The following DTD1 variants were observed in gnomAD, a reference collection of about 807,000 sequenced individuals.
DTD1 encodes the protein D-tyrosyl-tRNA deacylase 1 homolog.
DTD1 carries 13 observed loss-of-function variants against 25.6 expected under a neutral mutation model. That is an observed-to-expected ratio of 0.51 (90% CI 0.33 to 0.81). The LOEUF is 0.81. Among genes scored for constraint, DTD1 ranks in the 30% least tolerant of loss-of-function variants. The probability of loss-of-function intolerance (pLI) is 0.02; values close to 1 mark genes in which losing one functional copy is unlikely to be tolerated. For synonymous variants in DTD1, 110 were observed against 103.6 expected (o/e 1.06, Z -0.37); for missense variants, 193 against 266.4 (o/e 0.72, Z 1.92).
intron 4 of DTD1, among the ~76,000 whole-genome samples, chr20:18,736,764 G>A (rs1299874437): frequency 1.3e-5 from 2 of 152,184 alleles, no homozygotes; most frequent in African/African-American, 4.8e-5. Flanking sequence ...CAACACCTAT[G>A]CCCTCTGAGT....
At chr20:18,660,047 G>A (rs150788086) in intron 4 of DTD1, among the ~76,000 whole-genome samples, 1 of 152,142 alleles carries the variant, frequency 6.6e-6, no homozygotes, top group Non-Finnish European at 1.5e-5. Context: ...AGACCAGCCT[G>A]GCCAACATGG....
intron 4 of DTD1, among the ~76,000 whole-genome samples, chr20:18,649,971 GGGAGGT>G (rs2060867778): frequency 6.6e-6 from 1 of 152,220 alleles, no homozygotes; most frequent in Non-Finnish European, 1.5e-5. Context: ...CCAGTACTTT[GGGAGGT>G]GGAGGCAGGT....
intron 5 of DTD1, among the ~76,000 whole-genome samples, chr20:18,750,133 A>G (rs1381065921): frequency 6.6e-6 from 1 of 152,160 alleles, no homozygotes; most frequent in Non-Finnish European, 1.5e-5. Context: ...GAATTTAGCC[A>G]TGTTCCTGGA....
rs2061372188 is a variant in DTD1, at chr20:18,763,840, T to G, written c.*500T>G. ...TGTATTGTGTGAGACCTTTGCATCT[T>G]GTAAATTTTCTCTTTTTTCTAAAAA... is the stretch of plus-strand genomic sequence containing the variant. On this transcript the variant is annotated 3_prime_UTR_variant, in exon 6 of 6. Transcript: ENST00000377452. The G allele has an allele frequency of 6.6e-6, 1 of 152,252 alleles. No individual in the cohort carries two copies. The allele number at this position is 152,252 out of a possible 1,614,324, so 9.4% of individuals were successfully genotyped here.
intron 4 of DTD1, among the ~76,000 whole-genome samples, chr20:18,732,759 G>A (rs940532432): frequency 1.3e-5 from 2 of 152,186 alleles, no homozygotes; most frequent in African/African-American, 2.4e-5. Flanking sequence ...GGTTTTCAAA[G>A]AATTAGCATA....
intron 4 of DTD1, chr20:18,632,315 C>T: frequency 2.0e-6 from 2 of 985,472 alleles, no homozygotes; most frequent in South Asian, 9.4e-5. Context: ...ACTTCATTTA[C>T]ATGGACCAGT....
intron 3 of DTD1, among the ~76,000 whole-genome samples, chr20:18,600,126 C>T (rs1311844238): frequency 6.6e-6 from 1 of 152,092 alleles, no homozygotes; most frequent in Admixed American, 6.6e-5. Context: ...CTTAGCTTAT[C>T]AATTCTTATT....
At chr20:18,607,386 C>T (rs552526815) in intron 3 of DTD1, among the ~76,000 whole-genome samples, 81 of 152,182 alleles carry the variant, frequency 5.3e-4, no homozygotes, top group African/African-American at 1.9e-3. Context: ...GTTTCGAATT[C>T]CTGACTTCAA....
At chr20:18,692,958 A>G (rs2061053348) in intron 4 of DTD1, among the ~76,000 whole-genome samples, 1 of 148,236 alleles carries the variant, frequency 6.7e-6, no homozygotes, top group Non-Finnish European at 1.5e-5. Context: ...CAGTGGCACA[A>G]TCTCAGCTCA....
At chr20:18,641,306 G>A (rs1207140079) in intron 4 of DTD1, among the ~76,000 whole-genome samples, 1 of 152,148 alleles carries the variant, frequency 6.6e-6, no homozygotes, top group Non-Finnish European at 1.5e-5. Flanking sequence ...GTTAACATTG[G>A]TGTACCAATA....
intron 4 of DTD1, among the ~76,000 whole-genome samples, chr20:18,708,252 T>TTA (rs1203473690): frequency 0.037 from 1,164 of 31,764 alleles, 107 homozygotes; most frequent in South Asian, 0.048. Flanking sequence ...ATAATATATA[T>TTA]TATATATATA....
intron 4 of DTD1, among the ~76,000 whole-genome samples, chr20:18,717,054 A>G (rs1465054884): frequency 6.6e-6 from 1 of 152,206 alleles, no homozygotes; most frequent in African/African-American, 2.4e-5. Context: ...GAGCACCTCC[A>G]GTGTCATTAG....
intron 3 of DTD1, chr20:18,620,107 C>T (rs2060727293): frequency 6.6e-6 from 1 of 152,110 alleles, no homozygotes; most frequent in Admixed American, 6.5e-5. Flanking sequence ...CTATGCTTTC[C>T]TACCAGGTAA....
intron 4 of DTD1, among the ~76,000 whole-genome samples, chr20:18,649,713 A>T (rs575670560): frequency 6.6e-6 from 1 of 152,134 alleles, no homozygotes; most frequent in Non-Finnish European, 1.5e-5. Flanking sequence ...CAGTTGTAGA[A>T]GTAACACGCT....
intron 4 of DTD1, among the ~76,000 whole-genome samples, chr20:18,696,369 G>A (rs970824002): frequency 3.9e-5 from 6 of 152,096 alleles, no homozygotes; most frequent in Non-Finnish European, 4.4e-5. Context: ...TAGTTTCCAC[G>A]TCTTTCTCGG....
chr20:18,599,316 A>G (rs1258512820), intron 3 of DTD1, among the ~76,000 whole-genome samples: 2 of 152,078 alleles, frequency 1.3e-5, no homozygotes, highest in Non-Finnish European at 2.9e-5. Context: ...CTGGGATTAC[A>G]GGTGCGTGCC....
At chr20:18,668,762 T>C (rs2060941276) in intron 4 of DTD1, among the ~76,000 whole-genome samples, 2 of 152,228 alleles carry the variant, frequency 1.3e-5, no homozygotes, top group South Asian at 4.1e-4. Context: ...CTGCTCACTG[T>C]TCTTTCTTGA....
intron 4 of DTD1, among the ~76,000 whole-genome samples, chr20:18,630,154 A>G (rs1475604537): frequency 6.6e-6 from 1 of 152,086 alleles, no homozygotes; most frequent in Admixed American, 6.5e-5. Context: ...GTCCACATGA[A>G]AATGTAAGCT....
At chr20:18,741,476 A>T (rs943318303) in intron 4 of DTD1, among the ~76,000 whole-genome samples, 1 of 152,182 alleles carries the variant, frequency 6.6e-6, no homozygotes, top group Non-Finnish European at 1.5e-5. Context: ...TTTTGTTCTT[A>T]TAAAGTTGAT....
Sources: allele counts gnomAD v4.1 joint callset (sites outside exome capture counted in the v4.1 genomes callset), GRCh38; gene constraint gnomAD v4.1.1; transcripts MANE v1.5; gene names NCBI Gene and HGNC (gene_info 2026-07-23, HGNC 2026-07-21).